CLCN3: variants seen among roughly 807,000 people sequenced by gnomAD.
The protein encoded by CLCN3 is Cl-/H+ antiporter 3, also known as H(+)/Cl(-) exchange transporter 3.
A neutral mutation model predicts 83.4 loss-of-function variants in CLCN3; 16 were observed. The observed-to-expected ratio is 0.19, with a 90% CI of 0.13 to 0.29. The LOEUF (loss-of-function observed/expected upper bound fraction) is 0.29, where lower values mean the gene tolerates loss of function less well. Among genes scored for constraint, CLCN3 ranks in the 10% least tolerant of loss-of-function variants. The pLI, the probability that CLCN3 is intolerant of heterozygous loss-of-function variation, is 1.00. For missense variants in CLCN3, 544 were observed against 1,006.0 expected (o/e 0.54, Z 6.21); for synonymous variants, 322 against 346.2 (o/e 0.93, Z 0.78).
At chr4:169,653,165 A>ACATTTTTCATAACATCGATTAT (rs2150213703) in intron 2 of CLCN3, among the ~76,000 whole-genome samples, 1 of 152,216 alleles carries the variant, frequency 6.6e-6, no homozygotes, top group East Asian at 1.9e-4. Flanking sequence ...TGTTATGAAG[A>ACATTTTTCATAACATCGATTAT]CATTTTTCTA....
intron 11 of CLCN3, among the ~76,000 whole-genome samples, chr4:169,709,341 T>C (rs1037731816): frequency 3.3e-5 from 5 of 151,678 alleles, no homozygotes; most frequent in Non-Finnish European, 7.4e-5. Flanking sequence ...TCAAATGAGA[T>C]GTCTCAGATT....
intron 2 of CLCN3, among the ~76,000 whole-genome samples, chr4:169,665,624 G>A (rs550748786): frequency 6.6e-6 from 1 of 151,854 alleles, no homozygotes; most frequent in East Asian, 1.9e-4. Context: ...ACCATCTGGG[G>A]CTAGACTTCC....
chr4:169,700,660 T>C (rs1560867939), intron 9 of CLCN3, among the ~76,000 whole-genome samples: 1 of 152,158 alleles, frequency 6.6e-6, no homozygotes, highest in Non-Finnish European at 1.5e-5. Flanking sequence ...TCTTTTTAAT[T>C]GATTCATATA....
chr4:169,677,719 T>A (rs1411760790), intron 2 of CLCN3, among the ~76,000 whole-genome samples: 1 of 152,244 alleles, frequency 6.6e-6, no homozygotes, highest in Non-Finnish European at 1.5e-5. Context: ...CATTTCATAC[T>A]TAAACTACTA....
intron 10 of CLCN3, among the ~76,000 whole-genome samples, chr4:169,705,744 G>A (rs1052513500): frequency 2.6e-5 from 4 of 152,120 alleles, no homozygotes; most frequent in African/African-American, 9.7e-5. Flanking sequence ...GAACTGACGA[G>A]CCCTGGTAGG....
chr4:169,676,582 C>T (rs1378150611), intron 2 of CLCN3, among the ~76,000 whole-genome samples: 1 of 151,354 alleles, frequency 6.6e-6, no homozygotes, highest in Non-Finnish European at 1.5e-5. Flanking sequence ...CCAACCTGGG[C>T]TCAAGCAATT....
chr4:169,638,802 A>G (rs1000635145), intron 2 of CLCN3, among the ~76,000 whole-genome samples: 19 of 152,176 alleles, frequency 1.2e-4, no homozygotes, highest in Non-Finnish European at 1.2e-4. Context: ...ATCAGGGAGG[A>G]TAATTTTTCT....
At chr4:169,691,197 T>C (rs1289067097) in intron 6 of CLCN3, among the ~76,000 whole-genome samples, 1 of 151,840 alleles carries the variant, frequency 6.6e-6, no homozygotes, top group Non-Finnish European at 1.5e-5. Context: ...TTTTTTTTTT[T>C]AGTAGAGATG....
intron 8 of CLCN3, among the ~76,000 whole-genome samples, chr4:169,696,104 T>G (rs1278820218): frequency 1.3e-5 from 2 of 152,144 alleles, no homozygotes; most frequent in African/African-American, 4.8e-5. Context: ...TGTTTTTGTT[T>G]TTGAGACGGA....
chr4:169,635,037 G>A lies in CLCN3; in HGVS notation c.-16-876G>A, dbSNP rs114253816. Among the ~76,000 whole-genome samples the A allele has an allele frequency of 6.1e-3, 933 of 152,198 alleles. 9 individuals carry two copies. The highest frequency in any genetic ancestry group is 0.021 in the African/African-American group (889 of 41,544). Reference sequence around the variant, plus strand: ...AAGAGATTGTCTTAAAACACTCCACGTCTTCAGTGTTAGAATTCACTGCTA... The same window carrying A: ...AAGAGATTGTCTTAAAACACTCCACATCTTCAGTGTTAGAATTCACTGCTA... On this transcript the variant is annotated intron_variant, in intron 1 of 12. Transcript: ENST00000513761.
At chr4:169,639,091 A>G (rs904032331) in intron 2 of CLCN3, among the ~76,000 whole-genome samples, 8 of 152,182 alleles carry the variant, frequency 5.3e-5, no homozygotes, top group Non-Finnish European at 1.2e-4. Flanking sequence ...GTGCGGTGGT[A>G]CAATGATGGC....
chr4:169,660,062 A>G, intron 2 of CLCN3: 1 of 1,016,090 alleles, frequency 9.8e-7, no homozygotes, highest in Non-Finnish European at 1.2e-6. Flanking sequence ...TTCTCAAACC[A>G]GTTTTGTGTG....
rs1234344095 is a variant in CLCN3, at chr4:169,723,361, A to G, written c.*3364A>G. ...CAAGCAAGGAGCAATAGAAGAGTAG[A>G]TAGATGCTGGATTGACAGCAGGATG... is the stretch of plus-strand genomic sequence containing the variant. On this transcript the variant is annotated 3_prime_UTR_variant, in exon 13 of 13. Transcript: ENST00000513761. 2.0e-5 allele frequency: 3 copies of G among 152,200 alleles called. No homozygotes were observed. The highest frequency in any genetic ancestry group is 4.4e-5 in the Non-Finnish European group (3 of 68,036). 9.4% of individuals were successfully genotyped at this position (152,200 alleles called of 1,614,324 possible).
intron 12 of CLCN3, among the ~76,000 whole-genome samples, chr4:169,717,608 A>G (rs571327086): frequency 6.6e-6 from 1 of 152,318 alleles, no homozygotes; most frequent in East Asian, 1.9e-4. Context: ...CACTTTTGAA[A>G]GTCAGTAGAA....
chr4:169,697,182 T>C lies in CLCN3; in HGVS notation c.1018-7T>C. ...ATTAATTTTTCTTTTCCTTTTCTTT[T>C]TTTTAGGTTAGCTATTATTTTCCTC... On this transcript the variant is annotated splice_polypyrimidine_tract_variant and splice_region_variant and intron_variant, in intron 8 of 12. Transcript: ENST00000513761. The C allele has an allele frequency of 6.5e-7, 1 of 1,545,116 alleles. No individual in the cohort carries two copies. Among genetic ancestry groups the C allele is most frequent in the Non-Finnish European group, 8.7e-7 (1 of 1,149,528 alleles).
chr4:169,697,795 A>T, intron 9 of CLCN3, 61 bp downstream of exon 9: 1 of 1,068,738 alleles, frequency 9.4e-7, no homozygotes, highest in Non-Finnish European at 1.4e-6. Context: ...TTATATGTGG[A>T]ATGAGAGAGG....
At chr4:169,673,856 T>C (rs1731574942) in intron 2 of CLCN3, among the ~76,000 whole-genome samples, 1 of 152,188 alleles carries the variant, frequency 6.6e-6, no homozygotes, top group African/African-American at 2.4e-5. Flanking sequence ...TATATAGACA[T>C]AGGGCATGTA....
chr4:169,690,137 CTTTTTTTTTT>C (rs397769904), intron 5 of CLCN3, among the ~76,000 whole-genome samples: 2 of 110,464 alleles, frequency 1.8e-5, no homozygotes, highest in Non-Finnish European at 3.4e-5. Flanking sequence ...TCTTTTCTTT[CTTTTTTTTTT>C]TTTTTTTTTG....
At chr4:169,650,402 C>T (rs1000881807) in intron 2 of CLCN3, among the ~76,000 whole-genome samples, 1 of 152,140 alleles carries the variant, frequency 6.6e-6, no homozygotes, top group African/African-American at 2.4e-5. Flanking sequence ...ATATTGTCTT[C>T]AGTAGATGAC....
Sources: gnomAD v4.1 joint callset for allele counts (sites outside exome capture counted in the v4.1 genomes callset) on GRCh38, gnomAD v4.1.1 for gene constraint, MANE v1.5 for transcripts, NCBI Gene and HGNC (gene_info 2026-07-23, HGNC 2026-07-21) for gene names.